Variants in DOCK9 observed in about 807,000 individuals in gnomAD.
DOCK9 encodes the protein dedicator of cytokinesis protein 9.
A neutral mutation model predicts 263.3 loss-of-function variants in DOCK9; 89 were observed. The observed-to-expected ratio is 0.34, with a 90% CI of 0.28 to 0.40. The LOEUF (loss-of-function observed/expected upper bound fraction) is 0.40. DOCK9 is among the 10% of genes least tolerant of loss of function. DOCK9 has a pLI of 1.00. For synonymous variants in DOCK9, 976 were observed against 973.1 expected, an observed-to-expected ratio of 1.00 and a Z score of -0.06; for missense variants, 2,140 against 2,603.4, an observed-to-expected ratio of 0.82 and a Z score of 3.87.
intron 49 of DOCK9, 23 bp downstream of exon 49, chr13:98,804,976 C>A (rs1284627205): frequency 6.3e-7 from 1 of 1,578,632 alleles, no homozygotes. Context: ...GGCTCGTGTC[C>A]ATGCGGCTTC....
chr13:98,975,466 A>AACAC (rs778389687), intron 1 of DOCK9, among the ~76,000 whole-genome samples: 1 of 98,292 alleles, frequency 1.0e-5, no homozygotes, highest in African/African-American at 3.5e-5. Context: ...ATATTCTCTA[A>AACAC]ACACATACAC....
At chr13:98,926,946 G>A (rs1405836132) in intron 3 of DOCK9, among the ~76,000 whole-genome samples, 1 of 152,206 alleles carries the variant, frequency 6.6e-6, no homozygotes, top group Admixed American at 6.5e-5. Context: ...CTGTGTCACA[G>A]GCCATGCCTG....
At chr13:98,922,302 A>T (rs2052172835) in intron 5 of DOCK9, among the ~76,000 whole-genome samples, 156 bp from the exon 6 acceptor site, 1 of 152,172 alleles carries the variant, frequency 6.6e-6, no homozygotes, top group African/African-American at 2.4e-5. Flanking sequence ...CAAGTCACAT[A>T]AAAGTCCACT....
chr13:98,836,919 A>G (rs1250146348), intron 39 of DOCK9, among the ~76,000 whole-genome samples: 1 of 152,192 alleles, frequency 6.6e-6, no homozygotes, highest in Non-Finnish European at 1.5e-5. Flanking sequence ...TCATTTAGCA[A>G]GAATGAGAAG....
At chr13:98,963,599 A>C (rs1193124509) in intron 1 of DOCK9, among the ~76,000 whole-genome samples, 1 of 152,244 alleles carries the variant, frequency 6.6e-6, no homozygotes. Flanking sequence ...CCACTTCTTG[A>C]AATAGCAAAC....
rs2899 is a variant in DOCK9 at position 98,793,610 on chromosome 13, A to T, written c.*1016T>A. On this transcript the variant is annotated 3_prime_UTR_variant, in exon 53 of 53. Coordinates refer to ENST00000682017, the MANE Select transcript of DOCK9 (RefSeq NM_001366683.2). The stretch of plus-strand genomic sequence containing the variant: ...CCCAAATATAAAATTACTAAATTAA[A>T]GTCTTAAAAGAAAATATAACATGGT... 0.37 allele frequency: 56,196 copies of T among 152,492 alleles called. 11,153 individuals carry two copies. The highest frequency in any genetic ancestry group is 0.62 in the East Asian group (3,212 of 5,168). 9.4% of individuals were successfully genotyped at this position (152,492 alleles called of 1,614,324 possible). A position where few individuals can be genotyped will look rare whatever the true frequency, so the allele number is the denominator to read the frequency against.
Position 98,915,499 on chromosome 13 carries a change from T to C in DOCK9, c.722A>G (p.Asn241Ser). The C allele has an allele frequency of 6.2e-7, 1 of 1,610,600 alleles. No individual in the cohort carries two copies. The highest frequency in any genetic ancestry group is 8.5e-7 in the Non-Finnish European group (1 of 1,178,808). Residue 241 changes from asparagine to serine, a missense_variant, in exon 8 of 53, where the codon AAC becomes AGC. Asn to Ser is a conservative substitution (Grantham distance 46). Coordinates refer to ENST00000682017, the MANE Select transcript of DOCK9 (RefSeq NM_001366683.2). ...CTCAAAAGCAAAACGCCTGACTTTG[T>C]TGTTCTGAAATGAAAAAAGGATAAA... The part of the protein sequence containing the change: ...LDSCMGVVQN[N>S]KVRRFAFELK...
chr13:98,831,272 T>A, intron 41 of DOCK9, 76 bp downstream of exon 41: 1 of 1,439,668 alleles, frequency 6.9e-7, no homozygotes. Context: ...AATTGGTTAA[T>A]GTGATACTCA....
rs750184320 is a variant in DOCK9, at chr13:98,848,667, G to A, written c.4014-28C>T. On this transcript the variant is annotated intron_variant, in intron 36 of 52. Coordinates refer to ENST00000682017, the MANE Select transcript of DOCK9 (RefSeq NM_001366683.2). The stretch of plus-strand genomic sequence containing the variant: ...GCAGGCAAGATGAAAAATTATTAGG[G>A]AAATGCAAAGATAAAATTATTTTCG... The A allele has an allele frequency of 6.3e-6, 10 of 1,599,934 alleles. No homozygotes were observed. In the African/African-American group the frequency reaches 1.2e-4, roughly 19 times the overall value.
At chr13:98,867,387 T>C in intron 30 of DOCK9, 38 bp downstream of exon 30, 1 of 1,102,114 alleles carries the variant, frequency 9.1e-7, no homozygotes, top group Non-Finnish European at 1.3e-6. Context: ...TAAATGTCTC[T>C]GTTTGTGAAA....
At chr13:98,872,514 G>A (rs749824880) in intron 27 of DOCK9, among the ~76,000 whole-genome samples, 14 of 151,902 alleles carry the variant, frequency 9.2e-5, no homozygotes, top group Non-Finnish European at 1.5e-4. Flanking sequence ...TCAAGCAATC[G>A]TCTCACCTCA....
intron 1 of DOCK9, among the ~76,000 whole-genome samples, chr13:99,051,892 C>T (rs1353350513): frequency 7.2e-6 from 1 of 139,094 alleles, no homozygotes; most frequent in East Asian, 2.2e-4. Context: ...AACTCACAAT[C>T]TGCTGAATTT....
intron 27 of DOCK9, among the ~76,000 whole-genome samples, chr13:98,879,160 T>C (rs545060899): frequency 4.6e-5 from 7 of 152,234 alleles, no homozygotes; most frequent in Admixed American, 3.3e-4. Flanking sequence ...TTATAGAAAC[T>C]TATCTACCTT....
At chr13:98,933,375 A>G (rs77108025) in intron 2 of DOCK9, among the ~76,000 whole-genome samples, 5 of 144,094 alleles carry the variant, frequency 3.5e-5, no homozygotes, top group African/African-American at 5.4e-5. Flanking sequence ...TCTCACTTGG[A>G]AAAAAAAAAA....
In DOCK9 at chr13:99,008,318, C is replaced by T. The variant is rs1185117392; in HGVS notation, c.130-52767G>A. 9.9e-5 allele frequency among the ~76,000 whole-genome samples: 15 copies of T among 150,816 alleles called. No homozygotes were observed. The East Asian group carries it at 1.6e-3, about 16-fold the overall frequency. On this transcript the variant is annotated intron_variant, in intron 1 of 32. Transcript: ENST00000427887. ...TGTGATCTCAGCTCACTGCAACCTC[C>T]GCCTCCCGGGGTTCAAGCAATTCTC...
intron 1 of DOCK9, among the ~76,000 whole-genome samples, chr13:99,014,934 T>A (rs59321865): frequency 0.028 from 4,202 of 152,258 alleles, 178 homozygotes; most frequent in African/African-American, 0.096. Context: ...CTGGATTTTT[T>A]AAAAAAATAA....
At chr13:98,875,280 A>T (rs1217478942) in intron 27 of DOCK9, among the ~76,000 whole-genome samples, 1 of 151,966 alleles carries the variant, frequency 6.6e-6, no homozygotes, top group Non-Finnish European at 1.5e-5. Context: ...GCATACTAGC[A>T]TACTGGTAGA....
In DOCK9 at chr13:98,888,011, A is replaced by G. The variant is rs926802268; in HGVS notation, c.2043+147T>C. The G allele has an allele frequency of 1.8e-5, 11 of 600,232 alleles. No individual in the cohort carries two copies. In the Admixed American group the frequency reaches 2.7e-4, roughly 15 times the overall value. The allele number at this position is 600,232 out of a possible 1,614,324, so 37.2% of individuals were successfully genotyped here. ...CCATATTCGATAAGATTGAGTATAT[A>G]TGTTTATACATTGTAACATTATATA... On this transcript the variant is annotated intron_variant, in intron 18 of 52. Transcript: ENST00000682017.
chr13:98,940,429 C>T (rs1205589778), intron 2 of DOCK9, among the ~76,000 whole-genome samples: 1 of 152,096 alleles, frequency 6.6e-6, no homozygotes, highest in African/African-American at 2.4e-5. Flanking sequence ...GATAGGGTCT[C>T]GCTCTGTTGC....
Sources: gnomAD v4.1 joint callset for allele counts (sites outside exome capture counted in the v4.1 genomes callset) on GRCh38, gnomAD v4.1.1 for gene constraint, MANE v1.5 for transcripts, NCBI Gene and HGNC (gene_info 2026-07-23, HGNC 2026-07-21) for gene names.